RUFY1: variants seen among roughly 807,000 people sequenced by gnomAD.
RUFY1 encodes the protein RUN and FYVE domain containing 1, also known as RUN and FYVE domain-containing protein 1.
A neutral mutation model predicts 94.6 loss-of-function variants in RUFY1; 54 were observed. The ratio of observed to expected loss-of-function variants is 0.57; its 90% CI spans 0.46 to 0.72. The LOEUF (loss-of-function observed/expected upper bound fraction) is 0.72. RUFY1 is among the 30% of genes least tolerant of loss of function. The pLI, the probability that RUFY1 is intolerant of heterozygous loss-of-function variation, is 0.00. For synonymous variants in RUFY1, 396 were observed against 347.3 expected (o/e 1.14, Z -1.56); for missense variants, 883 against 883.9 (o/e 1.00, Z 0.01).
At chr5:179,592,563 CTT>C (rs921521961) in intron 10 of RUFY1, among the ~76,000 whole-genome samples, 9 of 152,166 alleles carry the variant, frequency 5.9e-5, no homozygotes, top group Non-Finnish European at 2.9e-5. Context: ...TTTTATAAAT[CTT>C]TACAGGGATT....
chr5:179,559,910 G>C, intron 1 of RUFY1, 115 bp from the exon 2 acceptor site: 1 of 1,450,424 alleles, frequency 6.9e-7, no homozygotes, highest in Admixed American at 2.6e-5. Flanking sequence ...CAGCACGTCC[G>C]TTCCCTAAGC....
Position 179,591,869 on chromosome 5 carries a change from T to A in RUFY1, c.1245+128T>A, listed in dbSNP as rs191728471. On this transcript the variant is annotated intron_variant, in intron 10 of 17. Transcript: ENST00000319449. Reference sequence around the variant, plus strand: ...AGTCAGAAGCTGTTCATTAAAAAAATTTTTTTTAAGTCTATGGTTACAACT... The same window carrying A: ...AGTCAGAAGCTGTTCATTAAAAAAAATTTTTTTAAGTCTATGGTTACAACT... The A allele has an allele frequency of 7.6e-4, 429 of 563,292 alleles. 2 individuals are homozygous for A. In the East Asian group the frequency reaches 7.8e-3, roughly 10 times the overall value. 34.9% of individuals were successfully genotyped at this position (563,292 alleles called of 1,614,324 possible).
intron 7 of RUFY1, among the ~76,000 whole-genome samples, chr5:179,582,066 A>T (rs1415032962): frequency 6.6e-6 from 1 of 152,162 alleles, no homozygotes; most frequent in Non-Finnish European, 1.5e-5. Flanking sequence ...AGTATTTATA[A>T]GAAATAGATA....
intron 13 of RUFY1, chr5:179,598,441 T>G (rs571994340): frequency 2.2e-4 from 116 of 517,676 alleles, no homozygotes; most frequent in Admixed American, 4.8e-4. Context: ...GTGGTCTAAG[T>G]GTTCTAGAGC....
chr5:179,555,742 C>G, intron 1 of RUFY1: 1 of 368,264 alleles, frequency 2.7e-6, no homozygotes, highest in Non-Finnish European at 5.4e-6. Context: ...ATTCTCCTGC[C>G]TCAGCCTCCC....
chr5:179,608,356 T>C, intron 17 of RUFY1: 1 of 985,732 alleles, frequency 1.0e-6, no homozygotes, highest in Non-Finnish European at 1.2e-6. Flanking sequence ...GGCAGTGCCT[T>C]GCAGTAAGCT....
chr5:179,567,154 A>G (rs780962474), intron 3 of RUFY1, among the ~76,000 whole-genome samples: 2 of 152,220 alleles, frequency 1.3e-5, no homozygotes, highest in African/African-American at 2.4e-5. Flanking sequence ...TAAGTTCTCT[A>G]TTCGTCTTTT....
At chr5:179,575,043 C>T (rs1763516223) in intron 5 of RUFY1, among the ~76,000 whole-genome samples, 1 of 128,794 alleles carries the variant, frequency 7.8e-6, no homozygotes, top group Admixed American at 8.4e-5. Flanking sequence ...ACCCCCCGCC[C>T]CAGCCGCAGT....
At chr5:179,600,239 G>C (rs1445432798) in intron 14 of RUFY1, 2 of 152,312 alleles carry the variant, frequency 1.3e-5, no homozygotes, top group African/African-American at 4.8e-5. Flanking sequence ...AGGGTGTGCA[G>C]AGAGCCACCC....
intron 16 of RUFY1, chr5:179,607,295 G>A (rs1767199191): frequency 4.3e-6 from 2 of 460,606 alleles, no homozygotes; most frequent in South Asian, 2.5e-5. Flanking sequence ...CTGATTGAAA[G>A]TGGGAGTGTG....
rs763833153 is a variant in RUFY1 at position 179,596,649 on chromosome 5, G to A, written c.1599G>A (p.Leu533=). Residue 533 remains leucine, a synonymous_variant, in exon 13 of 18, where the codon CTG becomes CTA. Transcript: ENST00000319449. Reference sequence around the variant, plus strand: ...AGCTGGGCGGGAGGATCGGCGCCCTGCAGCTGCAGCTCTCCCAGCTGCACG... The same window carrying A: ...AGCTGGGCGGGAGGATCGGCGCCCTACAGCTGCAGCTCTCCCAGCTGCACG... The part of the protein sequence containing the change: ...QQELGGRIGA[L]QLQLSQLHEQ... 2.5e-6 allele frequency: 4 copies of A among 1,608,490 alleles called. No individual in the cohort carries two copies. Among genetic ancestry groups the A allele is most frequent in the South Asian group, 1.1e-5 (1 of 90,524 alleles).
intron 5 of RUFY1, among the ~76,000 whole-genome samples, chr5:179,571,003 G>A (rs766006945): frequency 5.3e-5 from 8 of 152,098 alleles, no homozygotes; most frequent in African/African-American, 2.4e-5. Flanking sequence ...TGAGATGTTC[G>A]AAGGGTTTCT....
At chr5:179,581,512 TG>T (rs1764159331) in intron 7 of RUFY1, among the ~76,000 whole-genome samples, 1 of 150,348 alleles carries the variant, frequency 6.7e-6, no homozygotes, top group African/African-American at 2.5e-5. Context: ...GAGGTATTTG[TG>T]GGGAATGTGG....
intron 6 of RUFY1, among the ~76,000 whole-genome samples, chr5:179,580,222 TG>T (rs1764010396): frequency 5.1e-5 from 3 of 58,600 alleles, no homozygotes; most frequent in African/African-American, 1.9e-4. Context: ...TGTGTGTGTG[TG>T]TGTGTGTGTG....
intron 11 of RUFY1, among the ~76,000 whole-genome samples, chr5:179,594,032 C>T (rs183393867): frequency 1.9e-3 from 287 of 152,144 alleles, no homozygotes; most frequent in Non-Finnish European, 3.7e-3. Context: ...GAGCCAGGCA[C>T]GGTGGCTCAC....
intron 1 of RUFY1, among the ~76,000 whole-genome samples, chr5:179,553,756 G>A (rs911383253): frequency 6.6e-6 from 1 of 152,156 alleles, no homozygotes; most frequent in African/African-American, 2.4e-5. Context: ...TTCCACTGCA[G>A]TCCAGCCTGG....
chr5:179,593,521 A>T lies in RUFY1; in HGVS notation c.1289A>T (p.Glu430Val). The change falls in exon 11 of 18, where the codon GAA becomes GTA. Residue 430 changes from glutamate (E) to valine (V), a missense_variant. By Grantham distance (121) the Glu-to-Val change is moderately radical. Coordinates refer to ENST00000319449, the MANE Select transcript of RUFY1 (RefSeq NM_025158.5). ...ELELQIGMKT[E>V]MEIAMKLLEK... ...GAGTTACAAATTGGAATGAAAACCG[A>T]AATGGAAATTGCAATGAAGTTACTG... The T allele has an allele frequency of 6.2e-7, 1 of 1,613,042 alleles. No homozygotes were observed. Among genetic ancestry groups the T allele is most frequent in the Non-Finnish European group, 8.5e-7 (1 of 1,178,946 alleles).
chr5:179,563,924 G>A (rs547853922), intron 3 of RUFY1, among the ~76,000 whole-genome samples: 71 of 151,762 alleles, frequency 4.7e-4, no homozygotes, highest in Non-Finnish European at 7.8e-4. Context: ...CACCTGCCTC[G>A]GTCTTCCAAA....
At position 179,584,454 on chromosome 5, in the gene RUFY1, T is replaced by C. The variant is rs148354813; in HGVS notation, c.957-1342T>C. 5.5e-3 allele frequency among the ~76,000 whole-genome samples: 842 copies of C among 152,248 alleles called. 8 individuals are homozygous for C. Among genetic ancestry groups the C allele is most frequent in the African/African-American group, 0.02 (821 of 41,548 alleles). ...AACAGTAGGATCTACCTCATTGAAT[T>C]GTGGGGAAGATTAAATGAGTTGATG... On this transcript the variant is annotated intron_variant, in intron 7 of 17. Transcript: ENST00000319449.
Sources: gnomAD v4.1 joint callset for allele counts (sites outside exome capture counted in the v4.1 genomes callset) on GRCh38, gnomAD v4.1.1 for gene constraint, MANE v1.5 for transcripts, NCBI Gene and HGNC (gene_info 2026-07-23, HGNC 2026-07-21) for gene names.